Variants in LRRIQ4 observed in about 807,000 individuals in gnomAD.
The protein encoded by LRRIQ4 is leucine rich repeats and IQ motif containing 4.
Under a neutral mutation model 40.1 loss-of-function variants are expected in LRRIQ4, and 21 were observed. That is an observed-to-expected ratio of 0.52 (90% CI 0.37 to 0.75). The LOEUF is 0.75. Among genes scored for constraint, LRRIQ4 ranks in the 30% least tolerant of loss-of-function variants. LRRIQ4 has a pLI of 0.00. For synonymous variants in LRRIQ4, 277 were observed against 277.1 expected (o/e 1.00, Z 0.00); for missense variants, 655 against 660.0 (o/e 0.99, Z 0.08).
intron 5 of LRRIQ4, among the ~76,000 whole-genome samples, chr3:169,836,693 C>A (rs1284779831): frequency 6.6e-6 from 1 of 152,180 alleles, no homozygotes; most frequent in Non-Finnish European, 1.5e-5. Context: ...CAGTCCGTAG[C>A]AATGACAATC....
rs9878210 is a variant in LRRIQ4 at position 169,824,851 on chromosome 3, G to T, written c.1020+1910G>T. On this transcript the variant is annotated intron_variant, in intron 2 of 5. Coordinates refer to ENST00000340806, the MANE Select transcript of LRRIQ4 (RefSeq NM_001080460.3). ...TTAAAAAGAAAAAAATAGCTGTTAA[G>T]AGCAAAAGACAACTGTAGAGGGAGT... 6.9e-3 allele frequency among the ~76,000 whole-genome samples: 1,045 copies of T among 152,112 alleles called. 16 individuals carry two copies. Among genetic ancestry groups the T allele is most frequent in the African/African-American group, 0.024 (996 of 41,500 alleles).
chr3:169,834,087 C>T (rs1038196441), intron 5 of LRRIQ4, among the ~76,000 whole-genome samples: 2 of 152,128 alleles, frequency 1.3e-5, no homozygotes, highest in African/African-American at 4.8e-5. Flanking sequence ...TCAGGCCTGG[C>T]GCGGTGGCTC....
At position 169,827,191 on chromosome 3, in the gene LRRIQ4, A is replaced by G. The variant is rs986098083; in HGVS notation, c.1021-1568A>G. 2.2e-4 allele frequency among the ~76,000 whole-genome samples: 34 copies of G among 152,324 alleles called. 1 individual carries two copies. Among genetic ancestry groups the G allele is most frequent in the African/African-American group, 7.7e-4 (32 of 41,582 alleles). ...GGGAAGGATTTCCCAGTTAGGAATTAAGCCAGATAAAGGAACATATGAGTT... is the reference window on the plus strand; with the variant it reads ...GGGAAGGATTTCCCAGTTAGGAATTGAGCCAGATAAAGGAACATATGAGTT... On this transcript the variant is annotated intron_variant, in intron 2 of 5. Transcript: ENST00000340806.
intron 3 of LRRIQ4, 74 bp downstream of exon 3, chr3:169,829,006 T>C (rs749991451): frequency 2.7e-5 from 36 of 1,335,410 alleles, no homozygotes; most frequent in Non-Finnish European, 3.7e-5. Context: ...TGAGAAAATA[T>C]GAGGTCTCCA....
At chr3:169,837,042 G>A (rs942071805) in intron 5 of LRRIQ4, among the ~76,000 whole-genome samples, 4 of 152,188 alleles carry the variant, frequency 2.6e-5, no homozygotes, top group Non-Finnish European at 2.9e-5. Context: ...GAACAAGTGA[G>A]GGCTGGCTTT....
At chr3:169,835,120 C>A (rs947842743) in intron 5 of LRRIQ4, among the ~76,000 whole-genome samples, 8 of 152,048 alleles carry the variant, frequency 5.3e-5, no homozygotes, top group Non-Finnish European at 2.9e-5. Context: ...TTAAAGAGAA[C>A]AGAAGAAGCT....
chr3:169,831,984 TA>T (rs71634445), intron 4 of LRRIQ4, among the ~76,000 whole-genome samples: 2,343 of 142,224 alleles, frequency 0.016, 67 homozygotes, highest in African/African-American at 0.057. Flanking sequence ...TTAAAAAATT[TA>T]AAAAAAAAAA....
At chr3:169,815,893 G>A (rs1213654870) in intron 1 of LRRIQ4, among the ~76,000 whole-genome samples, 3 of 152,160 alleles carry the variant, frequency 2.0e-5, no homozygotes, top group Non-Finnish European at 4.4e-5. Context: ...CAATTAAAAT[G>A]ATCATATGGT....
Position 169,822,739 on chromosome 3 carries a change from C to A in LRRIQ4, c.818C>A (p.Pro273Gln), listed in dbSNP as rs746187079. ...AGCGGGAACCGCCTGGAGAAGGTGC[C>A]ACGCCTCATTTGCAGGTGGACCTCG... The part of the protein sequence containing the change: ...GLSGNRLEKV[P>Q]RLICRWTSLH... The change falls in exon 2 of 6, where the codon CCA becomes CAA. Residue 273 changes from proline (P) to glutamine (Q), a missense_variant. Coordinates refer to ENST00000340806, the MANE Select transcript of LRRIQ4 (RefSeq NM_001080460.3). 13 of 1,613,662 alleles carry A rather than the reference C, an allele frequency of 8.1e-6. No homozygotes were observed. In the African/African-American group the frequency reaches 1.6e-4, roughly 20 times the overall value.
At chr3:169,816,440 T>G (rs571951995) in intron 1 of LRRIQ4, among the ~76,000 whole-genome samples, 1 of 152,134 alleles carries the variant, frequency 6.6e-6, no homozygotes, top group Admixed American at 6.5e-5. Context: ...TCCCAATGTA[T>G]TAACATATAG....
chr3:169,829,877 G>A (rs1780123403), intron 3 of LRRIQ4, among the ~76,000 whole-genome samples: 1 of 152,226 alleles, frequency 6.6e-6, no homozygotes, highest in Non-Finnish European at 1.5e-5. Context: ...GCACAGCATA[G>A]GTAGTTCTCA....
rs199773984 is a variant in LRRIQ4, at chr3:169,822,220, A to G, written c.299A>G (p.Asp100Gly). 12 of 1,603,514 alleles carry G rather than the reference A, an allele frequency of 7.5e-6. No individual in the cohort carries two copies. In the East Asian group the frequency reaches 2.5e-4, roughly 33 times the overall value. Residue 100 changes from aspartate to glycine, a missense_variant, in exon 2 of 6, where the codon GAC (aspartate) becomes GGC (glycine). Coordinates refer to ENST00000340806, the MANE Select transcript of LRRIQ4 (RefSeq NM_001080460.3). ...CTGCTGAGCAGCCTGGAGAGCCTGG[A>G]CCTGAGCTACAACCCCATCTTCTCC... ...LGLLSSLESL[D>G]LSYNPIFSSS...
intron 1 of LRRIQ4, among the ~76,000 whole-genome samples, chr3:169,818,764 G>A (rs1329312882): frequency 6.6e-6 from 1 of 152,166 alleles, no homozygotes; most frequent in Non-Finnish European, 1.5e-5. Context: ...GTTTGTTTGT[G>A]ATTCACCAGT....
chr3:169,817,876 T>A (rs1779799546), intron 1 of LRRIQ4, among the ~76,000 whole-genome samples: 1 of 152,214 alleles, frequency 6.6e-6, no homozygotes, highest in African/African-American at 2.4e-5. Context: ...GGTCTTGTTT[T>A]TTAAAATCCA....
intron 2 of LRRIQ4, among the ~76,000 whole-genome samples, chr3:169,827,606 C>CAAAA (rs59524627): frequency 5.2e-5 from 4 of 77,512 alleles, no homozygotes; most frequent in Admixed American, 1.5e-4. Context: ...GACTCCGTCT[C>CAAAA]AAAAAAAAAA....
intron 3 of LRRIQ4, among the ~76,000 whole-genome samples, chr3:169,830,067 T>C (rs1307362910): frequency 3.3e-5 from 5 of 152,182 alleles, no homozygotes; most frequent in African/African-American, 1.2e-4. Flanking sequence ...ATCCATTCCC[T>C]GTGCATTTTG....
In LRRIQ4 at chr3:169,822,846, G is replaced by A; in HGVS notation, c.925G>A (p.Asp309Asn). The A allele has an allele frequency of 2.5e-6, 4 of 1,612,894 alleles. No individual in the cohort carries two copies. The highest frequency in any genetic ancestry group is 3.4e-6 in the Non-Finnish European group (4 of 1,179,390). Residue 309 changes from aspartate to asparagine, a missense_variant, in exon 2 of 6, where the codon GAC becomes AAC. Coordinates refer to ENST00000340806, the MANE Select transcript of LRRIQ4 (RefSeq NM_001080460.3). ...FRCLVNLRFLDLSQNHLHHCP... is the reference protein window; with the variant it reads ...FRCLVNLRFLNLSQNHLHHCP... Reference sequence around the variant, plus strand: ...GTGCCTGGTCAACTTGCGCTTCCTGGACCTAAGCCAGAACCATCTGCACCA... The same window carrying A: ...GTGCCTGGTCAACTTGCGCTTCCTGAACCTAAGCCAGAACCATCTGCACCA...
chr3:169,828,798 C>G lies in LRRIQ4; in HGVS notation c.1060C>G (p.Leu354Val). The change falls in exon 3 of 6, where the codon CTT becomes GTT. Residue 354 changes from leucine to valine, a missense_variant. Physicochemically the swap from Leu to Val is conservative, Grantham distance 32 (BLOSUM62 1). Coordinates refer to ENST00000340806, the MANE Select transcript of LRRIQ4 (RefSeq NM_001080460.3). ...ELGSLSKLKI[L>V]GLTGNEFLSF... is the part of the protein sequence containing the mutation. ...GGGCTCACTTTCAAAACTGAAGATA[C>G]TTGGACTAACAGGAAATGAGTTCCT... is the stretch of plus-strand genomic sequence containing the variant. The G allele has an allele frequency of 6.2e-7, 1 of 1,613,470 alleles. No individual in the cohort carries two copies. Among genetic ancestry groups the G allele is most frequent in the Non-Finnish European group, 8.5e-7 (1 of 1,179,766 alleles).
At chr3:169,833,402 A>C (rs1041964512) in intron 5 of LRRIQ4, among the ~76,000 whole-genome samples, 1 of 152,226 alleles carries the variant, frequency 6.6e-6, no homozygotes, top group Non-Finnish European at 1.5e-5. Flanking sequence ...TTTGTCCAAT[A>C]AGAAGCCAAC....
Sources: gnomAD v4.1 joint callset for allele counts (sites outside exome capture counted in the v4.1 genomes callset) on GRCh38, gnomAD v4.1.1 for gene constraint, MANE v1.5 for transcripts, NCBI Gene and HGNC (gene_info 2026-07-23, HGNC 2026-07-21) for gene names.